CCSER1: variants seen among roughly 807,000 people sequenced by gnomAD.
The protein encoded by CCSER1 is coiled-coil serine rich protein 1, also known as serine-rich coiled-coil domain-containing protein 1.
A neutral mutation model predicts 82.0 loss-of-function variants in CCSER1; 41 were observed. The ratio of observed to expected loss-of-function variants is 0.50; its 90% confidence interval spans 0.39 to 0.65. The LOEUF is 0.65. Ranked by LOEUF, CCSER1 falls within the 30% of genes least tolerant of loss-of-function variation. The pLI is 0.00. For missense variants in CCSER1, 1,119 were observed against 1,064.2 expected (o/e 1.05, Z -0.72); for synonymous variants, 414 against 383.9 (o/e 1.08, Z -0.92).
intron 5 of CCSER1, among the ~76,000 whole-genome samples, chr4:90,492,216 G>T (rs144024709): frequency 6.6e-6 from 1 of 151,962 alleles, no homozygotes; most frequent in Non-Finnish European, 1.5e-5. Flanking sequence ...GTCTGTTCAG[G>T]GATTCAACTT....
intron 10 of CCSER1, among the ~76,000 whole-genome samples, chr4:91,582,628 T>C (rs529183503): frequency 6.6e-6 from 1 of 151,664 alleles, no homozygotes; most frequent in African/African-American, 2.4e-5. Flanking sequence ...ATATTGACTA[T>C]CTATTTAGGT....
chr4:90,135,823 T>C (rs561774242), intron 1 of CCSER1, among the ~76,000 whole-genome samples: 1 of 152,234 alleles, frequency 6.6e-6, no homozygotes, highest in African/African-American at 2.4e-5. Context: ...GTTTCAAAAA[T>C]AATCATGCAC....
chr4:90,717,894 G>A (rs1741942243), intron 6 of CCSER1, among the ~76,000 whole-genome samples: 1 of 151,680 alleles, frequency 6.6e-6, no homozygotes, highest in Admixed American at 6.6e-5. Flanking sequence ...GCTTAACCAG[G>A]TCTTACCAAT....
At chr4:90,870,959 T>C (rs1766408000) in intron 8 of CCSER1, among the ~76,000 whole-genome samples, 1 of 151,324 alleles carries the variant, frequency 6.6e-6, no homozygotes, top group African/African-American at 2.4e-5. Flanking sequence ...TTTTCTATTT[T>C]TTCCTTTTTT....
intron 5 of CCSER1, among the ~76,000 whole-genome samples, chr4:90,476,377 C>T (rs574545408): frequency 5.7e-4 from 87 of 152,214 alleles, no homozygotes; most frequent in East Asian, 1.5e-3. Context: ...CCATGGGCTG[C>T]GGAGGAACAG....
At chr4:91,545,150 G>T (rs1761822740) in intron 10 of CCSER1, among the ~76,000 whole-genome samples, 1 of 152,134 alleles carries the variant, frequency 6.6e-6, no homozygotes, top group Admixed American at 6.5e-5. Context: ...TAATCTCCTG[G>T]TGTGCCATTT....
chr4:90,966,865 C>G (rs961324585), intron 9 of CCSER1, among the ~76,000 whole-genome samples: 2 of 151,906 alleles, frequency 1.3e-5, no homozygotes. Context: ...TATCAAAATC[C>G]CAGCTAGCTT....
chr4:91,155,688 G>C (rs1730744146), intron 10 of CCSER1, among the ~76,000 whole-genome samples: 1 of 151,788 alleles, frequency 6.6e-6, no homozygotes, highest in South Asian at 2.1e-4. Context: ...AAAATACATG[G>C]TTAATTATAT....
chr4:90,323,661 CT>C (rs887030512), intron 3 of CCSER1, among the ~76,000 whole-genome samples: 18 of 149,424 alleles, frequency 1.2e-4, no homozygotes, highest in East Asian at 7.8e-4. Context: ...TTCCTATCCT[CT>C]TTTTTTTTTA....
intron 3 of CCSER1, among the ~76,000 whole-genome samples, chr4:90,386,457 T>G (rs1750071185): frequency 6.6e-6 from 1 of 152,010 alleles, no homozygotes; most frequent in Admixed American, 6.6e-5. Context: ...TGTAGAAGAA[T>G]GAAACTGGAT....
intron 1 of CCSER1, among the ~76,000 whole-genome samples, chr4:90,237,747 C>T (rs1169237962): frequency 1.3e-5 from 2 of 152,022 alleles, no homozygotes; most frequent in African/African-American, 4.8e-5. Context: ...AATTTATGAA[C>T]CTGTGAAAGA....
intron 5 of CCSER1, among the ~76,000 whole-genome samples, chr4:90,519,889 TACACTATTCAAAAACACG>T (rs1232243027): frequency 1.3e-5 from 2 of 152,046 alleles, no homozygotes. Flanking sequence ...TCTTAACTCT[TACACTATTCAAAAACACG>T]GTTTTCTTTG....
chr4:90,439,512 T>C (rs1200587226), intron 4 of CCSER1, among the ~76,000 whole-genome samples: 1 of 152,218 alleles, frequency 6.6e-6, no homozygotes, highest in Non-Finnish European at 1.5e-5. Flanking sequence ...TCTTTGTTGA[T>C]TGGAGTTAGA....
intron 10 of CCSER1, among the ~76,000 whole-genome samples, chr4:91,382,181 C>G (rs1750952149): frequency 6.6e-6 from 1 of 152,030 alleles, no homozygotes. Context: ...GGGGTTCCTC[C>G]CAGTTAGGCC....
rs536593485 is a variant in CCSER1, at chr4:90,752,255, A to T, written c.2010+28264A>T. On this transcript the variant is annotated intron_variant, in intron 7 of 10. Coordinates refer to ENST00000509176, the MANE Select transcript of CCSER1 (RefSeq NM_001145065.2). ...TCCAATAAATGGCAGAACCAAAATG[A>T]TTTCAAAACTCATGCCTGTAAGTAC... Among the ~76,000 whole-genome samples, 154 of 152,268 alleles carry T rather than the reference A, an allele frequency of 1.0e-3. 1 individual carries two copies. The highest frequency in any genetic ancestry group is 3.4e-3 in the African/African-American group (143 of 41,586).
intron 3 of CCSER1, among the ~76,000 whole-genome samples, chr4:90,346,848 A>C (rs1742434294): frequency 6.6e-6 from 1 of 152,100 alleles, no homozygotes; most frequent in East Asian, 1.9e-4. Flanking sequence ...CTTATTAATA[A>C]AAATAATAAT....
chr4:90,503,572 C>T (rs1386414807), intron 5 of CCSER1, among the ~76,000 whole-genome samples: 10 of 152,096 alleles, frequency 6.6e-5, no homozygotes, highest in Admixed American at 6.6e-4. Context: ...CTCCCTCAAC[C>T]CCATAACAGG....
intron 10 of CCSER1, among the ~76,000 whole-genome samples, chr4:91,190,871 C>G (rs1429746828): frequency 6.6e-6 from 1 of 152,034 alleles, no homozygotes; most frequent in East Asian, 1.9e-4. Flanking sequence ...TTAGGTAAAA[C>G]TTGGTTTGAA....
rs1761597485 is a variant in CCSER1, at chr4:91,541,547, G to A, written c.2218-57025G>A. ...CCAGCTTCATCCATGTCCCTACAAAGGACATGAACTCATCCTTTTTTATGG... is the reference window on the plus strand; with the variant it reads ...CCAGCTTCATCCATGTCCCTACAAAAGACATGAACTCATCCTTTTTTATGG... On this transcript the variant is annotated intron_variant, in intron 10 of 10. Transcript: ENST00000509176. Among the ~76,000 whole-genome samples the A allele has an allele frequency of 2.0e-5, 3 of 152,278 alleles. 1 individual carries two copies. The South Asian group carries it at 6.2e-4, about 32-fold the overall frequency.
Sources: allele counts gnomAD v4.1 joint callset (sites outside exome capture counted in the v4.1 genomes callset), GRCh38; gene constraint gnomAD v4.1.1; transcripts MANE v1.5; gene names NCBI Gene and HGNC (gene_info 2026-07-23, HGNC 2026-07-21).